PEX11B: variants seen among roughly 807,000 people sequenced by gnomAD.
PEX11B encodes the protein peroxisomal membrane protein 11B.
A neutral mutation model predicts 28.2 loss-of-function variants in PEX11B; 18 were observed. The ratio of observed to expected loss-of-function variants is 0.64; its 90% CI spans 0.44 to 0.95. PEX11B has a LOEUF of 0.95. Ranked by LOEUF, PEX11B falls within the 40% of genes least tolerant of loss-of-function variation. The pLI, the probability that PEX11B is intolerant of heterozygous loss-of-function variation, is 0.00. For missense variants in PEX11B, 305 were observed against 319.8 expected, an observed-to-expected ratio of 0.95 and a Z score of 0.35; for synonymous variants, 128 against 128.7, an observed-to-expected ratio of 0.99 and a Z score of 0.04.
rs981993265 is a variant in PEX11B, at chr1:145,911,941, A to C, written c.*220T>G. ...AAGAGAGACACAAAGAAAGAGGAAA[A>C]GAACAGAAGCTCAGGCACATCTAGA... On this transcript the variant is annotated 3_prime_UTR_variant, in exon 4 of 4. Coordinates refer to ENST00000369306, the MANE Select transcript of PEX11B (RefSeq NM_003846.3). 3 of 399,628 alleles carry C rather than the reference A, an allele frequency of 7.5e-6. No homozygotes were observed. Among genetic ancestry groups the C allele is most frequent in the Non-Finnish European group, 1.3e-5 (3 of 225,982 alleles). The allele number at this position is 399,628 out of a possible 1,614,324, so 24.8% of individuals were successfully genotyped here. A position where few individuals can be genotyped will look rare whatever the true frequency, so the allele number is the denominator to read the frequency against.
intron 1 of PEX11B, 22 bp from the exon 2 acceptor site, chr1:145,917,838 G>T: frequency 6.4e-7 from 1 of 1,552,366 alleles, no homozygotes; most frequent in Non-Finnish European, 8.9e-7. Context: ...GGCAGGCAAG[G>T]TAAGGTGGAG....
intron 1 of PEX11B, chr1:145,918,289 T>G (rs1277428861): frequency 2.7e-6 from 4 of 1,460,188 alleles, no homozygotes; most frequent in Middle Eastern, 2.4e-4. Context: ...AAACTGGGAG[T>G]GCCTCCTCAG....
At chr1:145,915,065 G>A (rs1238145358) in intron 3 of PEX11B, among the ~76,000 whole-genome samples, 3 of 152,066 alleles carry the variant, frequency 2.0e-5, no homozygotes, top group Non-Finnish European at 2.9e-5. Context: ...CACCACACCC[G>A]GCTAATTTTG....
In PEX11B at chr1:145,918,613, C is replaced by A; in HGVS notation, c.56+20G>T. On this transcript the variant is annotated intron_variant, in intron 1 of 3. Coordinates refer to ENST00000369306, the MANE Select transcript of PEX11B (RefSeq NM_003846.3). ...GTCCATCCCTCCCCCGCCCCACCCC[C>A]ATTCCTATTCGGGCCGCACCTACAC... The A allele has an allele frequency of 6.3e-7, 1 of 1,583,236 alleles. No individual in the cohort carries two copies. Among genetic ancestry groups the A allele is most frequent in the Non-Finnish European group, 8.6e-7 (1 of 1,164,434 alleles).
Position 145,917,755 on chromosome 1 carries a change from C to G in PEX11B, c.118G>C (p.Glu40Gln), listed in dbSNP as rs1299738312. The G allele has an allele frequency of 6.2e-7, 1 of 1,613,812 alleles. No individual in the cohort carries two copies. Among genetic ancestry groups the G allele is most frequent in the African/African-American group, 1.3e-5 (1 of 74,906 alleles). Residue 40 changes from glutamate to glutamine, a missense_variant, in exon 2 of 4, where the codon GAG becomes CAG. Coordinates refer to ENST00000369306, the MANE Select transcript of PEX11B (RefSeq NM_003846.3). ...AGTTGTCGAATCTGTTTCTGTAACTCAGGACTGGCTCCATGCCTCTGCAGC... is the reference window on the plus strand; with the variant it reads ...AGTTGTCGAATCTGTTTCTGTAACTGAGGACTGGCTCCATGCCTCTGCAGC... Reference protein sequence around the residue: ...HALQRHGASPELQKQIRQLES... With the variant: ...HALQRHGASPQLQKQIRQLES...
chr1:145,915,782 C>T (rs1038426472), intron 3 of PEX11B, among the ~76,000 whole-genome samples: 4 of 151,768 alleles, frequency 2.6e-5, no homozygotes, highest in South Asian at 2.1e-4. Context: ...TACAGGTGCC[C>T]GCCACCACAC....
intron 1 of PEX11B, chr1:145,918,140 G>A (rs1647517253): frequency 1.0e-6 from 1 of 985,328 alleles, no homozygotes; most frequent in South Asian, 4.7e-5. Flanking sequence ...TCGATGAGGG[G>A]GAGGCAGACA....
intron 1 of PEX11B, chr1:145,918,333 G>A: frequency 2.6e-6 from 4 of 1,511,600 alleles, no homozygotes; most frequent in South Asian, 2.5e-5. Context: ...ATCCACCGTG[G>A]GGCGAATGCT....
chr1:145,918,459 G>C (rs868983693), intron 1 of PEX11B, 174 bp downstream of exon 1: 1 of 1,536,300 alleles, frequency 6.5e-7, no homozygotes, highest in Non-Finnish European at 8.7e-7. Context: ...TTCCGCGAAC[G>C]GAAAGGAATC....
chr1:145,917,677 A>G (rs781803245), intron 2 of PEX11B, 24 bp downstream of exon 2: 2 of 1,308,426 alleles, frequency 1.5e-6, no homozygotes, highest in East Asian at 2.3e-5. Context: ...GTTGGGGGAT[A>G]AAAGGAAAGA....
chr1:145,918,487 A>C (rs782633618), intron 1 of PEX11B, 146 bp downstream of exon 1: 1 of 1,537,022 alleles, frequency 6.5e-7, no homozygotes, highest in Non-Finnish European at 8.7e-7. Context: ...CAGCGGCTCA[A>C]ATCTGCGCCT....
chr1:145,914,598 A>C (rs1056911064), intron 3 of PEX11B, among the ~76,000 whole-genome samples: 4 of 152,128 alleles, frequency 2.6e-5, no homozygotes, highest in African/African-American at 9.7e-5. Flanking sequence ...TTCTTGCCTT[A>C]GGACCTTTGC....
chr1:145,912,111 A>G lies in PEX11B; in HGVS notation c.*50T>C, dbSNP rs1553753156. 5.0e-6 allele frequency: 7 copies of G among 1,407,376 alleles called. No homozygotes were observed. The East Asian group carries it at 1.7e-4, about 35-fold the overall frequency. The allele number at this position is 1,407,376 out of a possible 1,614,324, so 87.2% of individuals were successfully genotyped here. A position where few individuals can be genotyped will look rare whatever the true frequency, so the allele number is the denominator to read the frequency against. ...GAGGCTGGCACATGGGGGACGATCT[A>G]AGATTCCATCTCACCAATTCAGGTC... On this transcript the variant is annotated 3_prime_UTR_variant, in exon 4 of 4. Transcript: ENST00000369306.
chr1:145,916,774 G>A, intron 3 of PEX11B, 43 bp downstream of exon 3: 1 of 1,354,952 alleles, frequency 7.4e-7, no homozygotes, highest in Non-Finnish European at 1.1e-6. Flanking sequence ...ATGCAATATA[G>A]AGGCTACAAA....
intron 3 of PEX11B, among the ~76,000 whole-genome samples, chr1:145,914,309 C>T (rs181569839): frequency 6.6e-6 from 1 of 150,956 alleles, no homozygotes; most frequent in Admixed American, 6.6e-5. Flanking sequence ...AAGAGATGGA[C>T]GTTGCAGTGA....
At chr1:145,917,069 T>G in intron 2 of PEX11B, 51 bp from the exon 3 acceptor site, 1 of 1,194,694 alleles carries the variant, frequency 8.4e-7, no homozygotes, top group Non-Finnish European at 1.3e-6. Context: ...GAGAGGCAGA[T>G]AACAAGAAAC....
chr1:145,911,473 T>A lies in PEX11B; in HGVS notation c.*688A>T, dbSNP rs1288460532. 6.4e-6 allele frequency: 1 copy of A among 155,148 alleles called. No homozygotes were observed. Among genetic ancestry groups the A allele is most frequent in the East Asian group, 1.6e-4 (1 of 6,130 alleles). The allele number at this position is 155,148 out of a possible 1,614,324, so 9.6% of individuals were successfully genotyped here. A position where few individuals can be genotyped will look rare whatever the true frequency, so the allele number is the denominator to read the frequency against. ...TTACAGCAAGATGCTACACATAGCA[T>A]CATTCTGGATAAGCGACAAAGGAGT... On this transcript the variant is annotated 3_prime_UTR_variant, in exon 4 of 4. Transcript: ENST00000369306.
Position 145,912,484 on chromosome 1 carries a change from AAGCAGAAG to A in PEX11B, c.449_456del (p.Ser150LeufsTer2). On this transcript the variant is annotated frameshift_variant, in exon 4 of 4. Coordinates refer to ENST00000369306, the MANE Select transcript of PEX11B (RefSeq NM_003846.3). LOFTEE classifies it high-confidence loss of function. ...CCAGAACCTTTCAGTCGCCGGCTAC[AAGCAGAAG>A]ACTCTTGCTCCATCAGTAGGCGAAT... 1.3e-6 allele frequency: 2 copies of A among 1,514,448 alleles called. No individual in the cohort carries two copies. Among genetic ancestry groups the A allele is most frequent in the Non-Finnish European group, 1.8e-6 (2 of 1,131,904 alleles). The allele number at this position is 1,514,448 out of a possible 1,614,324, so 93.8% of individuals were successfully genotyped here.
In PEX11B at chr1:145,912,473, T is replaced by C; in HGVS notation, c.468A>G (p.Arg156=). 1 of 1,515,742 alleles carries C rather than the reference T, an allele frequency of 6.6e-7. No homozygotes were observed. Among genetic ancestry groups the C allele is most frequent in the South Asian group, 1.4e-5 (1 of 73,808 alleles). The allele number at this position is 1,515,742 out of a possible 1,614,324, so 93.9% of individuals were successfully genotyped here. The change falls in exon 4 of 4, where the codon CGA becomes CGG. Residue 156 remains arginine (R), a synonymous_variant. Transcript: ENST00000369306. The part of the protein sequence containing the change: ...MEQESSACSR[R]LKGSGGGVPG... ...GGACTCCTCCTCCAGAACCTTTCAG[T>C]CGCCGGCTACAAGCAGAAGACTCTT...
Sources: allele counts gnomAD v4.1 joint callset (sites outside exome capture counted in the v4.1 genomes callset), GRCh38; gene constraint gnomAD v4.1.1; transcripts MANE v1.5; gene names NCBI Gene and HGNC (gene_info 2026-07-23, HGNC 2026-07-21).